The following CADPS2 variants were observed in gnomAD, a reference collection of about 807,000 sequenced individuals.
CADPS2 encodes calcium dependent secretion activator 2.
In CADPS2, 93 loss-of-function variants were observed where a neutral mutation model predicts 172.5. The observed-to-expected ratio is 0.54, with a 90% CI of 0.46 to 0.64. The LOEUF is 0.64. Among genes scored for constraint, CADPS2 ranks in the 30% least tolerant of loss-of-function variants. CADPS2 has a pLI of 0.00. For missense variants in CADPS2, 1,420 were observed against 1,565.9 expected (o/e 0.91, Z 1.57); for synonymous variants, 546 against 555.2 (o/e 0.98, Z 0.23).
chr7:122,599,046 A>G (rs1356444197), intron 6 of CADPS2, among the ~76,000 whole-genome samples: 1 of 152,062 alleles, frequency 6.6e-6, no homozygotes, highest in Non-Finnish European at 1.5e-5. Context: ...AGTAAAGGGA[A>G]AGTAGTTAGG....
chr7:122,825,472 A>T (rs2428905), intron 1 of CADPS2, among the ~76,000 whole-genome samples: 8,386 of 152,222 alleles, frequency 0.055, 773 homozygotes, highest in African/African-American at 0.19. Context: ...ATAAAATTAA[A>T]ATGGGAAAAA....
At chr7:122,860,913 A>G (rs1816789215) in intron 1 of CADPS2, among the ~76,000 whole-genome samples, 1 of 152,172 alleles carries the variant, frequency 6.6e-6, no homozygotes, top group Admixed American at 6.6e-5. Flanking sequence ...ACAGAATTTC[A>G]TTCTTTTTAA....
At chr7:122,442,817 T>C (rs2051541232) in intron 15 of CADPS2, among the ~76,000 whole-genome samples, 2 of 152,118 alleles carry the variant, frequency 1.3e-5, no homozygotes, top group Non-Finnish European at 2.9e-5. Flanking sequence ...CATTTATCAT[T>C]GTATTTACTG....
At chr7:122,763,538 C>T (rs561585231) in intron 1 of CADPS2, among the ~76,000 whole-genome samples, 27 of 152,250 alleles carry the variant, frequency 1.8e-4, no homozygotes, top group Non-Finnish European at 2.6e-4. Context: ...TCATATCCAT[C>T]GTCAAAATGG....
chr7:122,836,487 A>G (rs1808462882), intron 1 of CADPS2, among the ~76,000 whole-genome samples: 2 of 152,324 alleles, frequency 1.3e-5, no homozygotes, highest in African/African-American at 4.8e-5. Flanking sequence ...AGACTGGCAA[A>G]TTGGATTAAG....
At chr7:122,714,569 A>G (rs1475676860) in intron 2 of CADPS2, among the ~76,000 whole-genome samples, 1 of 152,060 alleles carries the variant, frequency 6.6e-6, no homozygotes, top group Non-Finnish European at 1.5e-5. Flanking sequence ...GGACCCAAAA[A>G]TTTGCTTTTT....
intron 29 of CADPS2, among the ~76,000 whole-genome samples, chr7:122,325,028 G>A (rs11766895): frequency 0.36 from 54,903 of 151,810 alleles, 10,130 homozygotes; most frequent in East Asian, 0.47. Flanking sequence ...AAGGATTTGG[G>A]CAATGACAAT....
intron 1 of CADPS2, among the ~76,000 whole-genome samples, chr7:122,743,303 T>A (rs1461509226): frequency 2.0e-5 from 3 of 152,186 alleles, no homozygotes; most frequent in African/African-American, 7.2e-5. Flanking sequence ...TTCAGAGGTG[T>A]CTCATGTTTC....
intron 1 of CADPS2, among the ~76,000 whole-genome samples, chr7:122,744,616 C>T (rs1019749317): frequency 6.6e-6 from 1 of 152,160 alleles, no homozygotes; most frequent in Non-Finnish European, 1.5e-5. Flanking sequence ...CACTGTCACA[C>T]AGTGTTGACA....
chr7:122,666,491 G>A (rs772154429), intron 2 of CADPS2, among the ~76,000 whole-genome samples: 42 of 151,998 alleles, frequency 2.8e-4, no homozygotes, highest in East Asian at 9.7e-4. Context: ...CTACTGGCAC[G>A]TGCCACCATG....
intron 20 of CADPS2, among the ~76,000 whole-genome samples, chr7:122,401,734 G>A (rs910368940): frequency 6.6e-6 from 1 of 152,168 alleles, no homozygotes; most frequent in Non-Finnish European, 1.5e-5. Context: ...GAGTAGATTG[G>A]GGTAGATGAA....
intron 9 of CADPS2, among the ~76,000 whole-genome samples, chr7:122,497,024 G>C (rs575920293): frequency 6.6e-6 from 1 of 151,436 alleles, no homozygotes; most frequent in Non-Finnish European, 1.5e-5. Context: ...CTTCTTTCTC[G>C]GACTGTTCTG....
At chr7:122,335,091 T>A (rs981522201) in intron 28 of CADPS2, among the ~76,000 whole-genome samples, 1 of 152,196 alleles carries the variant, frequency 6.6e-6, no homozygotes, top group Non-Finnish European at 1.5e-5. Flanking sequence ...GAAGTTTTAA[T>A]CTCAACATTT....
chr7:122,539,309 C>T (rs1312144319), intron 8 of CADPS2, among the ~76,000 whole-genome samples: 1 of 151,926 alleles, frequency 6.6e-6, no homozygotes, highest in Non-Finnish European at 1.5e-5. Flanking sequence ...CGCCTTTCAC[C>T]ATATTTTAAT....
chr7:122,386,624 C>T (rs2043717526), intron 24 of CADPS2, among the ~76,000 whole-genome samples: 1 of 152,012 alleles, frequency 6.6e-6, no homozygotes, highest in Non-Finnish European at 1.5e-5. Context: ...AAAATGGAAG[C>T]TACTGTGTAA....
rs1163572686 is a variant in CADPS2, at chr7:122,820,776, G to A, written c.339+65223C>T. Among the ~76,000 whole-genome samples the A allele has an allele frequency of 1.5e-5, 2 of 135,254 alleles. 1 individual carries two copies. The highest frequency in any genetic ancestry group is 4.9e-4 in the South Asian group (2 of 4,080). 88.7% of individuals were successfully genotyped at this position (135,254 alleles called of 152,430 possible). ...GGGTTTCACCTTGTTAGCCAGGATG[G>A]TCTCGATCTCCTGACCTCGTGATCC... On this transcript the variant is annotated intron_variant, in intron 1 of 29. Coordinates refer to ENST00000449022, the MANE Select transcript of CADPS2 (RefSeq NM_017954.11).
At chr7:122,728,437 A>C (rs2091317263) in intron 2 of CADPS2, among the ~76,000 whole-genome samples, 2 of 151,874 alleles carry the variant, frequency 1.3e-5, no homozygotes, top group Admixed American at 1.3e-4. Context: ...TGGTGGTAGA[A>C]AATTGGAGTA....
intron 6 of CADPS2, among the ~76,000 whole-genome samples, chr7:122,589,092 T>G (rs760761341): frequency 3.0e-4 from 45 of 152,014 alleles, no homozygotes; most frequent in Non-Finnish European, 1.3e-4. Flanking sequence ...TCTGTATGTG[T>G]TGGTGTCTTT....
chr7:122,339,954 G>T (rs916489216), intron 28 of CADPS2, among the ~76,000 whole-genome samples: 3 of 152,178 alleles, frequency 2.0e-5, no homozygotes, highest in African/African-American at 7.2e-5. Flanking sequence ...ACAAGAGCAT[G>T]TAAGTGCAAA....
Sources: allele counts gnomAD v4.1 joint callset (sites outside exome capture counted in the v4.1 genomes callset), GRCh38; gene constraint gnomAD v4.1.1; transcripts MANE v1.5; gene names NCBI Gene and HGNC (gene_info 2026-07-23, HGNC 2026-07-21).